Variants in TRIM37 observed in about 807,000 individuals in gnomAD.
The protein encoded by TRIM37 is E3 ubiquitin-protein ligase TRIM37.
Under a neutral mutation model 129.8 loss-of-function variants are expected in TRIM37, and 80 were observed. The observed-to-expected ratio is 0.62, with a 90% confidence interval of 0.51 to 0.74. The LOEUF is 0.74. TRIM37 is among the 30% of genes least tolerant of loss of function. TRIM37 has a pLI of 0.00. For synonymous variants in TRIM37, 389 were observed against 387.1 expected (o/e 1.00, Z -0.06); for missense variants, 1,054 against 1,176.5 (o/e 0.90, Z 1.52).
intron 2 of TRIM37, among the ~76,000 whole-genome samples, chr17:59,101,289 G>A (rs2045443013): frequency 6.6e-6 from 1 of 151,986 alleles, no homozygotes; most frequent in East Asian, 1.9e-4. Context: ...ACATTTCTGA[G>A]GCTTCTGGGG....
Position 59,076,865 on chromosome 17 carries a change from C to T in TRIM37, c.617-1151G>A, listed in dbSNP as rs141646733. ...ATGCAATGGCACGAACTCAGCTCAC[C>T]GCAACCTTTGCCTCTTGGGTTCAAG... On this transcript the variant is annotated intron_variant, in intron 7 of 23. Coordinates refer to ENST00000262294, the MANE Select transcript of TRIM37 (RefSeq NM_015294.6). Among the ~76,000 whole-genome samples, 262 of 151,776 alleles carry T rather than the reference C, an allele frequency of 1.7e-3. 6 individuals carry two copies. In the East Asian group the frequency reaches 0.044, roughly 25 times the overall value.
At chr17:58,968,134 C>G in the TRIM37 span, among the ~76,000 whole-genome samples, 14 of 152,092 alleles carry the variant, frequency 9.2e-5, no homozygotes, top group Middle Eastern at 3.4e-3. Flanking sequence ...TTAATCCGTC[C>G]TTCATGTCAT....
rs1599455499 is a variant in TRIM37, at chr17:59,085,292, A to C, written c.282-1203T>G. 2.6e-5 allele frequency among the ~76,000 whole-genome samples: 4 copies of C among 152,170 alleles called. No homozygotes were observed. The South Asian group carries it at 8.3e-4, about 32-fold the overall frequency. ...AGTGAGCTGATAATCACACCACTGC[A>C]CTCCAGCCTGTGCAACAGAGCAAGA... is the stretch of plus-strand genomic sequence containing the variant. On this transcript the variant is annotated intron_variant, in intron 4 of 23. Transcript: ENST00000262294.
At chr17:59,000,781 T>A (rs1166226452) in intron 23 of TRIM37, among the ~76,000 whole-genome samples, 1 of 152,156 alleles carries the variant, frequency 6.6e-6, no homozygotes, top group East Asian at 1.9e-4. Flanking sequence ...AAAGTTATCT[T>A]ACAGTAGGCT....
At chr17:59,005,978 T>C (rs2034434293) in intron 22 of TRIM37, among the ~76,000 whole-genome samples, 1 of 152,196 alleles carries the variant, frequency 6.6e-6, no homozygotes, top group Non-Finnish European at 1.5e-5. Flanking sequence ...ATTTCCAGTT[T>C]TTACTTTCAA....
At chr17:59,092,431 G>T (rs2044482652) in intron 2 of TRIM37, among the ~76,000 whole-genome samples, 2 of 151,036 alleles carry the variant, frequency 1.3e-5, no homozygotes, top group Non-Finnish European at 2.9e-5. Context: ...CGGTTTCATA[G>T]TTCAGTAATT....
rs939979308 is a variant in TRIM37 at position 59,106,746 on chromosome 17, G to A, written c.-285C>T. On this transcript the variant is annotated 5_prime_UTR_variant, in exon 1 of 24. Coordinates refer to ENST00000262294, the MANE Select transcript of TRIM37 (RefSeq NM_015294.6). ...TCAGCCGCCGGCCAGCAGCCGCGCC[G>A]GAACCTCGGCCCACGTGACGCGGGC... 23 of 569,294 alleles carry A rather than the reference G, an allele frequency of 4.0e-5. No individual in the cohort carries two copies. Among genetic ancestry groups the A allele is most frequent in the Middle Eastern group, 4.6e-4 (1 of 2,172 alleles). The allele number at this position is 569,294 out of a possible 1,614,324, so 35.3% of individuals were successfully genotyped here. A position where few individuals can be genotyped will look rare whatever the true frequency, so the allele number is the denominator to read the frequency against.
chr17:58,982,207 C>A (rs2031396255), downstream of TRIM37: 1 of 152,620 alleles, frequency 6.6e-6, no homozygotes, highest in Admixed American at 6.5e-5. Flanking sequence ...ACTGCAGAGA[C>A]AGGACGTGTG....
chr17:58,981,350 A>C (rs1382820031), downstream of TRIM37: 5 of 252,654 alleles, frequency 2.0e-5, no homozygotes, highest in Non-Finnish European at 3.8e-5. Flanking sequence ...TCACTAGTGG[A>C]AGCTTTCAAG....
At chr17:58,980,734 C>A (rs369185588), downstream of TRIM37, 3 of 1,613,980 alleles carry the variant, frequency 1.9e-6, no homozygotes, top group African/African-American at 4.0e-5. This position sits in a 1 kb window ranked among gnomAD's most constrained non-coding sequence, Gnocchi z 4.7. Context: ...ATGAACAGTT[C>A]AAATCCCCGG....
At chr17:59,001,987 T>C (rs2033838343) in intron 22 of TRIM37, among the ~76,000 whole-genome samples, 1 of 152,322 alleles carries the variant, frequency 6.6e-6, no homozygotes, top group South Asian at 2.1e-4. Context: ...CCAGCATTAA[T>C]TTTATTATAC....
intron 23 of TRIM37, 125 bp downstream of exon 23, chr17:59,001,473 G>T: frequency 4.8e-5 from 50 of 1,045,542 alleles, no homozygotes; most frequent in Non-Finnish European, 6.2e-5. Flanking sequence ...AAAAAAAGAA[G>T]TAGAAGCAGA....
At position 59,012,377 on chromosome 17, in the gene TRIM37, T is replaced by C; in HGVS notation, c.2646A>G (p.Gly882=). The change falls in exon 22 of 24, where the codon GGA becomes GGG. Residue 882 remains glycine (G), a synonymous_variant. Coordinates refer to ENST00000262294, the MANE Select transcript of TRIM37 (RefSeq NM_015294.6). ...CTTCAGGTAGTACAGGCTGTAACTC[T>C]CCAGTTTCAGAATTATTTTCCAAAT... ...MTDLENNSET[G]ELQPVLPEGA... 2 of 1,613,144 alleles carry C rather than the reference T, an allele frequency of 1.2e-6. No individual in the cohort carries two copies. Among genetic ancestry groups the C allele is most frequent in the South Asian group, 1.1e-5 (1 of 91,070 alleles).
chr17:59,001,400 T>C (rs572190413), intron 23 of TRIM37, among the ~76,000 whole-genome samples, 198 bp downstream of exon 23: 2 of 150,976 alleles, frequency 1.3e-5, no homozygotes, highest in African/African-American at 2.4e-5. Context: ...TGTGTTTTTT[T>C]AGTACTCACC....
At chr17:58,989,060 C>T (rs2032093221) in intron 24 of TRIM37, among the ~76,000 whole-genome samples, 1 of 152,094 alleles carries the variant, frequency 6.6e-6, no homozygotes, top group Non-Finnish European at 1.5e-5. Context: ...AGATGTGTTG[C>T]TATTAACAAA....
At chr17:58,967,662 T>A in the TRIM37 span, among the ~76,000 whole-genome samples, 2 of 152,032 alleles carry the variant, frequency 1.3e-5, no homozygotes, top group Admixed American at 1.3e-4. Flanking sequence ...TGTGTTTTTT[T>A]AAAAAGAAGC....
At chr17:59,048,407 C>CA (rs1327660407) in intron 15 of TRIM37, among the ~76,000 whole-genome samples, 1 of 151,982 alleles carries the variant, frequency 6.6e-6, no homozygotes, top group Non-Finnish European at 1.5e-5. Flanking sequence ...AAAATTACTA[C>CA]AAAAAAACCA....
chr17:59,065,785 T>C (rs919656674), intron 9 of TRIM37, among the ~76,000 whole-genome samples: 12 of 152,214 alleles, frequency 7.9e-5, no homozygotes, highest in Non-Finnish European at 1.3e-4. Context: ...TATACATCTA[T>C]AGCACTGCCA....
chr17:59,003,518 T>A (rs553824132), intron 22 of TRIM37, among the ~76,000 whole-genome samples: 18 of 151,320 alleles, frequency 1.2e-4, no homozygotes, highest in Non-Finnish European at 2.2e-4. Flanking sequence ...GAGAGATGGG[T>A]AGTGTAGTTA....
Sources: allele counts gnomAD v4.1 joint callset (sites outside exome capture counted in the v4.1 genomes callset), GRCh38; gene constraint gnomAD v4.1.1; non-coding constraint Gnocchi (gnomAD v3.1); transcripts MANE v1.5; gene names NCBI Gene and HGNC (gene_info 2026-07-23, HGNC 2026-07-21).